The following MAST4 variants were observed in gnomAD, a reference collection of about 807,000 sequenced individuals.
MAST4 encodes microtubule-associated serine/threonine-protein kinase 4.
Under a neutral mutation model 162.7 loss-of-function variants are expected in MAST4, and 89 were observed. That is an observed-to-expected ratio of 0.55 (90% CI 0.46 to 0.65). The LOEUF (loss-of-function observed/expected upper bound fraction) is 0.65, where lower values mean the gene tolerates loss of function less well. Ranked by LOEUF, MAST4 falls within the 30% of genes least tolerant of loss-of-function variation. The pLI, the probability that MAST4 is intolerant of heterozygous loss-of-function variation, is 0.00. For synonymous variants in MAST4, 1,479 were observed against 1,361.1 expected, an observed-to-expected ratio of 1.09 and a Z score of -1.91; for missense variants, 3,153 against 3,374.0, an observed-to-expected ratio of 0.93 and a Z score of 1.62.
At chr5:66,629,044 A>G (rs939759156) in intron 1 of MAST4, among the ~76,000 whole-genome samples, 1 of 152,164 alleles carries the variant, frequency 6.6e-6, no homozygotes, top group Non-Finnish European at 1.5e-5. Flanking sequence ...TTCACAGCAG[A>G]TATTGATGTT....
chr5:66,987,918 C>T lies in MAST4; in HGVS notation c.675-66486C>T, dbSNP rs1316145578. 7.2e-5 allele frequency among the ~76,000 whole-genome samples: 11 copies of T among 152,184 alleles called. No homozygotes were observed. In the East Asian group the frequency reaches 1.7e-3, roughly 24 times the overall value. On this transcript the variant is annotated intron_variant, in intron 4 of 28. Transcript: ENST00000403625. ...GTGTGAAATAGTTACAACGTGGTTG[C>T]GTTTAATTAAAGTTGCTCTTTTTGT...
At chr5:66,977,376 C>T (rs896399181) in intron 4 of MAST4, among the ~76,000 whole-genome samples, 3 of 152,184 alleles carry the variant, frequency 2.0e-5, no homozygotes, top group African/African-American at 7.2e-5. Context: ...GCTGGGATTA[C>T]AGGAGTGAGC....
In MAST4 at chr5:66,864,424, G is replaced by C. The variant is rs144241326; in HGVS notation, c.643-35527G>C. On this transcript the variant is annotated intron_variant, in intron 3 of 28. Coordinates refer to ENST00000403625, the MANE Select transcript of MAST4 (RefSeq NM_001164664.2). ...TGAAGTAAGAGCCGGGAGCGGGCGA[G>C]CCATAGGAATCCAGACAGGCCGCCA... is the stretch of plus-strand genomic sequence containing the variant. 4.1e-4 allele frequency among the ~76,000 whole-genome samples: 62 copies of C among 152,268 alleles called. No individual in the cohort carries two copies. In the East Asian group the frequency reaches 0.011, roughly 28 times the overall value.
intron 5 of MAST4, among the ~76,000 whole-genome samples, chr5:67,088,269 G>T (rs542073349): frequency 1.3e-5 from 2 of 152,230 alleles, no homozygotes; most frequent in Non-Finnish European, 2.9e-5. Context: ...CTAAGAATTC[G>T]GTGCCAGGTT....
chr5:66,936,452 AAG>A (rs1415967315), intron 4 of MAST4, among the ~76,000 whole-genome samples: 5 of 152,212 alleles, frequency 3.3e-5, no homozygotes, highest in Non-Finnish European at 7.3e-5. Context: ...TAAGTCCGAA[AAG>A]AGAGTCAGGG....
At chr5:66,926,433 G>T (rs951404488) in intron 4 of MAST4, among the ~76,000 whole-genome samples, 2 of 152,078 alleles carry the variant, frequency 1.3e-5, no homozygotes, top group Non-Finnish European at 2.9e-5. Context: ...TGTAGTCTCA[G>T]CTACACAGGA....
At chr5:66,820,241 C>T (rs1756928534) in intron 3 of MAST4, among the ~76,000 whole-genome samples, 1 of 152,072 alleles carries the variant, frequency 6.6e-6, no homozygotes, top group Non-Finnish European at 1.5e-5. Context: ...GATCTTTTAT[C>T]TCTAGGTATA....
chr5:66,603,910 A>T (rs1287348136), intron 1 of MAST4, among the ~76,000 whole-genome samples: 1 of 152,158 alleles, frequency 6.6e-6, no homozygotes, highest in Non-Finnish European at 1.5e-5. Context: ...TTATTTGATG[A>T]TGTTATTTTA....
chr5:66,948,004 T>C (rs1292627725), intron 4 of MAST4, among the ~76,000 whole-genome samples: 1 of 152,148 alleles, frequency 6.6e-6, no homozygotes, highest in Non-Finnish European at 1.5e-5. Flanking sequence ...TGGATGACAG[T>C]ATTCTCATAT....
At chr5:67,004,144 C>T (rs566258822) in intron 4 of MAST4, among the ~76,000 whole-genome samples, 1 of 152,270 alleles carries the variant, frequency 6.6e-6, no homozygotes, top group South Asian at 2.1e-4. Context: ...ATTCCGGGCT[C>T]CGGGGAGGGG....
chr5:66,878,192 T>G (rs1289587190), intron 3 of MAST4, among the ~76,000 whole-genome samples: 1 of 152,224 alleles, frequency 6.6e-6, no homozygotes, highest in Non-Finnish European at 1.5e-5. Context: ...ATAAATGAAT[T>G]TTCTTCTCTC....
intron 4 of MAST4, chr5:66,986,503 A>G (rs1467143693): frequency 6.4e-7 from 1 of 1,561,210 alleles, no homozygotes; most frequent in Non-Finnish European, 8.7e-7. Flanking sequence ...ACCACATTAA[A>G]TAAAACATAT....
intron 4 of MAST4, among the ~76,000 whole-genome samples, chr5:66,947,119 A>G (rs902060853): frequency 2.0e-5 from 3 of 152,086 alleles, no homozygotes; most frequent in South Asian, 2.1e-4. Context: ...AGTCAATGTG[A>G]GAGTATTTTA....
At chr5:66,667,960 T>C (rs1004880419) in intron 1 of MAST4, among the ~76,000 whole-genome samples, 2 of 152,218 alleles carry the variant, frequency 1.3e-5, no homozygotes, top group Non-Finnish European at 2.9e-5. Flanking sequence ...GTTTGCCTTA[T>C]TTATTGAATC....
intron 3 of MAST4, among the ~76,000 whole-genome samples, chr5:66,797,506 A>G (rs1357055765): frequency 6.6e-6 from 1 of 152,154 alleles, no homozygotes; most frequent in Non-Finnish European, 1.5e-5. Context: ...CAGGATGCTT[A>G]TTGATCAGTT....
chr5:66,634,003 C>G (rs535206990), intron 1 of MAST4, among the ~76,000 whole-genome samples: 1 of 152,302 alleles, frequency 6.6e-6, no homozygotes, highest in African/African-American at 2.4e-5. Context: ...TTCCCCTGCT[C>G]TCAGTACTGA....
chr5:66,769,460 G>A (rs1754263745), intron 2 of MAST4, among the ~76,000 whole-genome samples: 2 of 152,108 alleles, frequency 1.3e-5, no homozygotes, highest in African/African-American at 4.8e-5. Context: ...GCTTAATGAC[G>A]GGGATACGTT....
At chr5:66,788,607 C>CCCAACAAAAAAAAA in intron 2 of MAST4, 63 bp from the exon 3 acceptor site, 10 of 1,373,706 alleles carry the variant, frequency 7.3e-6, no homozygotes, top group Non-Finnish European at 9.1e-6. Context: ...CCCCCACCCC[C>CCCAACAAAAAAAAA]ATTGCAATAA....
At position 67,165,217 on chromosome 5, in the gene MAST4, A is replaced by G; in HGVS notation, c.6038A>G (p.Lys2013Arg). The G allele has an allele frequency of 6.2e-7, 1 of 1,611,676 alleles. No individual in the cohort carries two copies. The highest frequency in any genetic ancestry group is 8.5e-7 in the Non-Finnish European group (1 of 1,178,960). The change falls in exon 29 of 29, where the codon AAA becomes AGA. Residue 2013 changes from lysine to arginine, a missense_variant. Coordinates refer to ENST00000403625, the MANE Select transcript of MAST4 (RefSeq NM_001164664.2). ...ACTGCGAAAACCAGTGACAACTCCA[A>G]AAATCTCCTCTCTGTGGGAAGGACC... ...PETAKTSDNS[K>R]NLLSVGRTHP...
Sources: gnomAD v4.1 joint callset for allele counts (sites outside exome capture counted in the v4.1 genomes callset) on GRCh38, gnomAD v4.1.1 for gene constraint, MANE v1.5 for transcripts, NCBI Gene and HGNC (gene_info 2026-07-23, HGNC 2026-07-21) for gene names.